Variants in ATP8B1 observed in about 807,000 individuals in gnomAD.
ATP8B1 encodes the protein ATPase phospholipid transporting 8B1.
ATP8B1 carries 80 observed loss-of-function variants against 149.9 expected under a neutral mutation model. The observed-to-expected ratio is 0.53, with a 90% CI of 0.45 to 0.64. The LOEUF is 0.64. ATP8B1 is among the 30% of genes least tolerant of loss of function. The pLI is 0.00. For synonymous variants in ATP8B1, 536 were observed against 562.8 expected (o/e 0.95, Z 0.67); for missense variants, 1,247 against 1,552.6 (o/e 0.80, Z 3.31).
intron 15 of ATP8B1, among the ~76,000 whole-genome samples, chr18:57,682,321 G>A (rs540988983): frequency 4.0e-4 from 61 of 152,252 alleles, no homozygotes; most frequent in Non-Finnish European, 8.1e-4. Context: ...AAGGAACTTT[G>A]TACATCCAAC....
At chr18:57,690,962 G>A (rs968986934) in intron 12 of ATP8B1, among the ~76,000 whole-genome samples, 5 of 152,078 alleles carry the variant, frequency 3.3e-5, no homozygotes, top group Admixed American at 6.6e-5. Context: ...ATCACCTGAG[G>A]TCAGGAGTTG....
intron 25 of ATP8B1, 92 bp from the exon 26 acceptor site, chr18:57,652,264 G>A: frequency 1.3e-6 from 2 of 1,550,006 alleles, no homozygotes; most frequent in Non-Finnish European, 1.8e-6. Context: ...AATTCAGCAA[G>A]TTAGGCATGA....
intron 1 of ATP8B1, among the ~76,000 whole-genome samples, chr18:57,774,887 A>G (rs2080293694): frequency 6.6e-6 from 1 of 152,184 alleles, no homozygotes; most frequent in African/African-American, 2.4e-5. Flanking sequence ...AATACCACAT[A>G]TTAGTGTGTT....
At chr18:57,794,072 G>T (rs1599246808) in intron 1 of ATP8B1, among the ~76,000 whole-genome samples, 1 of 152,118 alleles carries the variant, frequency 6.6e-6, no homozygotes, top group African/African-American at 2.4e-5. Context: ...TTGTGGCTGT[G>T]GTTGGCATTA....
chr18:57,770,309 C>T (rs574517131), intron 1 of ATP8B1, among the ~76,000 whole-genome samples: 1 of 152,320 alleles, frequency 6.6e-6, no homozygotes, highest in East Asian at 1.9e-4. Context: ...CCACCCACCC[C>T]AGCTGCCAAT....
At chr18:57,651,950 T>C (rs1909646756) in intron 26 of ATP8B1, 84 bp downstream of exon 26, 1 of 1,516,438 alleles carries the variant, frequency 6.6e-7, no homozygotes, top group Non-Finnish European at 9.1e-7. Flanking sequence ...CCTTGTATAT[T>C]TTATTACTTA....
At chr18:57,663,252 T>C (rs1347348013) in intron 20 of ATP8B1, among the ~76,000 whole-genome samples, 1 of 152,210 alleles carries the variant, frequency 6.6e-6, no homozygotes. Flanking sequence ...CTATATAATA[T>C]ATGTCATAAT....
rs112679261 is a variant in ATP8B1 at position 57,692,029 on chromosome 18, G to A, written c.1030-32C>T. The A allele has an allele frequency of 4.0e-5, 63 of 1,590,034 alleles. No homozygotes were observed. The African/African-American group carries it at 5.8e-4, about 15-fold the overall frequency. On this transcript the variant is annotated intron_variant, in intron 11 of 27. Transcript: ENST00000648908. ...GACAGAAAACATTTAAATGCATTCT[G>A]AAGATGGATTTCCAACCTCTTGCAT...
intron 12 of ATP8B1, among the ~76,000 whole-genome samples, chr18:57,688,974 T>C (rs908671305): frequency 6.6e-6 from 1 of 152,192 alleles, no homozygotes; most frequent in African/African-American, 2.4e-5. Context: ...GACAAGCCCA[T>C]GCACTCAGCC....
At chr18:57,739,653 C>T (rs1312711231) in intron 1 of ATP8B1, among the ~76,000 whole-genome samples, 1 of 152,166 alleles carries the variant, frequency 6.6e-6, no homozygotes, top group Non-Finnish European at 1.5e-5. Context: ...ACACCTACCA[C>T]ATGGTAACAG....
intron 1 of ATP8B1, among the ~76,000 whole-genome samples, chr18:57,764,995 T>C (rs1024951603): frequency 1.1e-4 from 16 of 152,186 alleles, no homozygotes; most frequent in African/African-American, 3.9e-4. Flanking sequence ...AGTAGACCCA[T>C]GTTCACAACA....
intron 1 of ATP8B1, among the ~76,000 whole-genome samples, chr18:57,774,377 C>T (rs2080288636): frequency 6.6e-6 from 1 of 152,186 alleles, no homozygotes; most frequent in African/African-American, 2.4e-5. Flanking sequence ...GCAGGTGGAA[C>T]ACCTGAGGTC....
chr18:57,758,690 T>C (rs552787491), intron 1 of ATP8B1, among the ~76,000 whole-genome samples: 2 of 152,046 alleles, frequency 1.3e-5, no homozygotes, highest in East Asian at 1.9e-4. Flanking sequence ...TTTTTCCTTA[T>C]GTTTCCTTTT....
chr18:57,655,525 A>G (rs1909941227), intron 22 of ATP8B1, 108 bp from the exon 23 acceptor site: 7 of 970,350 alleles, frequency 7.2e-6, no homozygotes, highest in Admixed American at 1.9e-5. Flanking sequence ...ACAGACATTG[A>G]TGGAACAATA....
chr18:57,729,389 A>G (rs908427815), intron 2 of ATP8B1, among the ~76,000 whole-genome samples: 2 of 152,160 alleles, frequency 1.3e-5, no homozygotes, highest in Non-Finnish European at 2.9e-5. Flanking sequence ...GGAATGAGGA[A>G]GAAGCATGTT....
rs1251520257 is a variant in ATP8B1, at chr18:57,652,084, A to T, written c.3350T>A (p.Phe1117Tyr). The T allele has an allele frequency of 1.2e-6, 2 of 1,613,980 alleles. No homozygotes were observed. The highest frequency in any genetic ancestry group is 1.7e-6 in the Non-Finnish European group (2 of 1,179,964). The change falls in exon 26 of 28, where the codon TTT (phenylalanine) becomes TAT (tyrosine). Residue 1117 changes from phenylalanine to tyrosine, a missense_variant. Around this residue, in one of 3 missense-constraint regions of ATP8B1, gnomAD observed 230 missense variants for 356.6 expected, o/e 0.65. Coordinates refer to ENST00000648908, the MANE Select transcript of ATP8B1 (RefSeq NM_001374385.1). ...GAGAACATGTATTCCAGCACTATGA[A>T]AGTCAAACATGATGCCAAAATAAAG... is the stretch of plus-strand genomic sequence containing the variant. ...IALYFGIMFDFHSAGIHVLFP... is the reference protein window; with the variant it reads ...IALYFGIMFDYHSAGIHVLFP...
In ATP8B1 at chr18:57,661,450, G is replaced by C. The variant is rs1472634616; in HGVS notation, c.2431C>G (p.Leu811Val). 1 of 1,613,352 alleles carries C rather than the reference G, an allele frequency of 6.2e-7. No individual in the cohort carries two copies. The highest frequency in any genetic ancestry group is 1.7e-5 in the Admixed American group (1 of 59,928). Residue 811 changes from leucine to valine, a missense_variant, in exon 22 of 28, where the codon CTC becomes GTC. Leu to Val is a conservative substitution (Grantham distance 32, BLOSUM62 1). This residue lies in a region of ATP8B1 where 853 missense variants were observed against 1,035.7 expected (regional missense o/e 0.82). Transcript: ENST00000648908. ...TTATTTCTCTTGGTCTTTTTCTCGA[G>C]AAGAATTTCATTCTGTGAAATCAGA... ...ITGSWLNEIL[L>V]EKKTKRNKIL...
chr18:57,709,046 C>T lies in ATP8B1; in HGVS notation c.182-2459G>A, dbSNP rs182261786. 1.7e-3 allele frequency among the ~76,000 whole-genome samples: 259 copies of T among 152,320 alleles called. 2 individuals carry two copies. The highest frequency in any genetic ancestry group is 2.8e-3 in the Non-Finnish European group (191 of 68,036). ...CAGTATGTCTTTGTCTGCAATTGAACCGCAAACACGTTTTTACTCAATTTT... is the reference window on the plus strand; with the variant it reads ...CAGTATGTCTTTGTCTGCAATTGAATCGCAAACACGTTTTTACTCAATTTT... On this transcript the variant is annotated intron_variant, in intron 2 of 27. Coordinates refer to ENST00000648908, the MANE Select transcript of ATP8B1 (RefSeq NM_001374385.1).
chr18:57,803,301 C>T lies in ATP8B1; in HGVS notation c.-329G>A, dbSNP rs1254248359. Reference sequence around the variant, plus strand: ...GACCGGCCAAACTGGTTTCTCCGCTCGGGGAGGTGCCTCTGGTTTCCCTCC... The same window carrying T: ...GACCGGCCAAACTGGTTTCTCCGCTTGGGGAGGTGCCTCTGGTTTCCCTCC... On this transcript the variant is annotated 5_prime_UTR_variant, in exon 1 of 28. Transcript: ENST00000648908. 1.3e-5 allele frequency among the ~76,000 whole-genome samples: 2 copies of T among 152,204 alleles called. No homozygotes were observed. Among genetic ancestry groups the T allele is most frequent in the African/African-American group, 4.8e-5 (2 of 41,468 alleles).
Sources: allele counts gnomAD v4.1 joint callset (sites outside exome capture counted in the v4.1 genomes callset), GRCh38; gene constraint gnomAD v4.1.1; regional missense constraint gnomAD v4.1.1; transcripts MANE v1.5; gene names NCBI Gene and HGNC (gene_info 2026-07-23, HGNC 2026-07-21).